The following LIMS1 variants were observed in gnomAD, a reference collection of about 807,000 sequenced individuals.
LIMS1 encodes the protein LIM zinc finger domain containing 1, also known as LIM and senescent cell antigen-like-containing domain protein 1.
Under a neutral mutation model 44.1 loss-of-function variants are expected in LIMS1, and 18 were observed. That is an observed-to-expected ratio of 0.41 (90% confidence interval 0.28 to 0.61). The LOEUF (loss-of-function observed/expected upper bound fraction) is 0.61. Ranked by LOEUF, LIMS1 falls within the 20% of genes least tolerant of loss-of-function variation. The pLI is 0.32. For missense variants in LIMS1, 201 were observed against 422.0 expected, an observed-to-expected ratio of 0.48 and a Z score of 4.59; for synonymous variants, 93 against 149.1, an observed-to-expected ratio of 0.62 and a Z score of 2.74.
intron 1 of LIMS1, among the ~76,000 whole-genome samples, chr2:108,554,453 A>C (rs1379756380): frequency 6.6e-6 from 1 of 152,208 alleles, no homozygotes; most frequent in East Asian, 1.9e-4. Context: ...ACAGTCTCTG[A>C]AGAAGAGTAT....
chr2:108,653,081 G>A (rs1690613237), intron 1 of LIMS1, among the ~76,000 whole-genome samples: 1 of 152,180 alleles, frequency 6.6e-6, no homozygotes, highest in South Asian at 2.1e-4. Context: ...TTGAGTTCTT[G>A]ACCTATCCTC....
intron 1 of LIMS1, among the ~76,000 whole-genome samples, chr2:108,543,884 G>A (rs1003973434): frequency 3.9e-5 from 6 of 152,024 alleles, no homozygotes; most frequent in Admixed American, 1.3e-4. Context: ...ATTGGGCCAC[G>A]AGAAATAGCA....
intron 1 of LIMS1, among the ~76,000 whole-genome samples, chr2:108,563,785 C>A (rs935713269): frequency 6.6e-5 from 10 of 152,006 alleles, no homozygotes; most frequent in African/African-American, 2.4e-4. Flanking sequence ...AGTGGCCAGG[C>A]GCATAGCTCA....
At chr2:108,569,587 G>A (rs958575298) in intron 1 of LIMS1, among the ~76,000 whole-genome samples, 2 of 151,894 alleles carry the variant, frequency 1.3e-5, no homozygotes, top group Admixed American at 6.6e-5. Flanking sequence ...TTCCCATCTT[G>A]CTGAGGTTTT....
At chr2:108,557,794 G>A (rs1300686678) in intron 1 of LIMS1, among the ~76,000 whole-genome samples, 1 of 152,196 alleles carries the variant, frequency 6.6e-6, no homozygotes, top group Non-Finnish European at 1.5e-5. Context: ...AGAATTACAG[G>A]CATAGGCCAC....
intron 1 of LIMS1, among the ~76,000 whole-genome samples, chr2:108,638,124 G>A (rs1200109953): frequency 1.3e-5 from 2 of 152,156 alleles, no homozygotes; most frequent in Non-Finnish European, 1.5e-5. Context: ...GGGATTACAG[G>A]CATGAGGCAC....
chr2:108,596,865 A>G (rs188285353), intron 1 of LIMS1, among the ~76,000 whole-genome samples: 424 of 151,472 alleles, frequency 2.8e-3, no homozygotes, highest in Non-Finnish European at 4.2e-3. Context: ...TTGAGGAAAT[A>G]GGAACTTGAA....
At chr2:108,642,448 C>T (rs1689761306) in intron 1 of LIMS1, among the ~76,000 whole-genome samples, 1 of 147,026 alleles carries the variant, frequency 6.8e-6, no homozygotes, top group South Asian at 2.2e-4. Flanking sequence ...CAAGCTCCGC[C>T]TCCCGGGTTC....
intron 1 of LIMS1, among the ~76,000 whole-genome samples, chr2:108,619,790 A>G (rs1037572420): frequency 6.6e-6 from 1 of 152,168 alleles, no homozygotes; most frequent in Non-Finnish European, 1.5e-5. Context: ...AATCTTCTAC[A>G]TTCTATTTGT....
intron 1 of LIMS1, among the ~76,000 whole-genome samples, chr2:108,598,871 T>A (rs1686856362): frequency 6.6e-6 from 1 of 152,072 alleles, no homozygotes; most frequent in Non-Finnish European, 1.5e-5. Flanking sequence ...ATAGTAATGA[T>A]ATTTTGTTTA....
chr2:108,654,355 A>G (rs1690703506), intron 1 of LIMS1, among the ~76,000 whole-genome samples: 1 of 151,960 alleles, frequency 6.6e-6, no homozygotes, highest in African/African-American at 2.4e-5. Context: ...TAGAAGAGTT[A>G]TAACTAAACA....
At chr2:108,585,609 C>T (rs1382235627) in intron 1 of LIMS1, among the ~76,000 whole-genome samples, 3 of 152,006 alleles carry the variant, frequency 2.0e-5, no homozygotes, top group African/African-American at 7.3e-5. Context: ...AGAATGTGCG[C>T]AATGAGAGGA....
At chr2:108,584,859 G>T (rs1330356926) in intron 1 of LIMS1, among the ~76,000 whole-genome samples, 6 of 151,950 alleles carry the variant, frequency 3.9e-5, no homozygotes, top group Non-Finnish European at 5.9e-5. Flanking sequence ...GACATAGATG[G>T]AGCCAGGTAG....
At chr2:108,553,635 C>CT (rs1317757191) in intron 1 of LIMS1, among the ~76,000 whole-genome samples, 1 of 152,192 alleles carries the variant, frequency 6.6e-6, no homozygotes, top group Non-Finnish European at 1.5e-5. Flanking sequence ...GCAAAACACT[C>CT]TTATTAGTGC....
At chr2:108,557,886 A>G (rs1483652464) in intron 1 of LIMS1, among the ~76,000 whole-genome samples, 2 of 152,214 alleles carry the variant, frequency 1.3e-5, no homozygotes, top group East Asian at 1.9e-4. Flanking sequence ...AAGGTACCCA[A>G]CTTTGTGTGT....
chr2:108,665,959 A>C (rs1207398299), intron 2 of LIMS1, among the ~76,000 whole-genome samples: 1 of 151,996 alleles, frequency 6.6e-6, no homozygotes, highest in East Asian at 1.9e-4. Flanking sequence ...TGGATAGAAA[A>C]CACAAACCAT....
intron 1 of LIMS1, among the ~76,000 whole-genome samples, chr2:108,549,092 G>T (rs1018219461): frequency 3.3e-5 from 5 of 152,014 alleles, no homozygotes; most frequent in African/African-American, 1.2e-4. Context: ...GCATATAGTA[G>T]CCATTCAGTG....
At chr2:108,534,003 G>A (rs1684016782), upstream of LIMS1, 1 of 153,218 alleles carries the variant, frequency 6.5e-6, no homozygotes. Flanking sequence ...CCGGGACGAA[G>A]GCCGCTGCCA....
exon 6 of LIMS1, chr2:108,675,971 C>T: frequency 6.2e-7 from 1 of 1,614,000 alleles, no homozygotes; most frequent in Non-Finnish European, 8.5e-7. Context: ...GTGGTGCTTG[C>T]CGACGGCCCA....
Sources: gnomAD v4.1 joint callset for allele counts (sites outside exome capture counted in the v4.1 genomes callset) on GRCh38, gnomAD v4.1.1 for gene constraint, MANE v1.5 for transcripts, NCBI Gene and HGNC (gene_info 2026-07-23, HGNC 2026-07-21) for gene names.